The following NEK4 variants were observed in gnomAD, a reference collection of about 807,000 sequenced individuals.
NEK4 encodes the protein serine/threonine-protein kinase Nek4.
In NEK4, 86 loss-of-function variants were observed where a neutral mutation model predicts 98.4. The ratio of observed to expected loss-of-function variants is 0.87; its 90% CI spans 0.73 to 1.05. NEK4 has a LOEUF of 1.05. NEK4 is among the 50% of genes least tolerant of loss of function. NEK4 has a pLI of 0.00. For synonymous variants in NEK4, 328 were observed against 342.2 expected (o/e 0.96, Z 0.46); for missense variants, 898 against 950.3 (o/e 0.94, Z 0.72).
chr3:52,744,031 C>T (rs1407838770), intron 11 of NEK4, among the ~76,000 whole-genome samples: 1 of 152,156 alleles, frequency 6.6e-6, no homozygotes, highest in African/African-American at 2.4e-5. Flanking sequence ...TTAATATCCC[C>T]CTCCTCTGAT....
At chr3:52,752,954 A>ACACACACACAC (rs1315107149) in intron 6 of NEK4, among the ~76,000 whole-genome samples, 7 of 137,284 alleles carry the variant, frequency 5.1e-5, no homozygotes, top group Non-Finnish European at 9.3e-5. Flanking sequence ...ACACACACAC[A>ACACACACACAC]ATGGAATATT....
At chr3:52,749,432 C>T (rs764960310) in intron 8 of NEK4, among the ~76,000 whole-genome samples, 69 of 151,456 alleles carry the variant, frequency 4.6e-4, no homozygotes, top group African/African-American at 1.5e-3. Context: ...CATTCCTGGA[C>T]GGGAGACAAT....
At chr3:52,754,218 C>A (rs1011987206) in intron 6 of NEK4, 1 of 307,200 alleles carries the variant, frequency 3.3e-6, no homozygotes, top group Non-Finnish European at 6.4e-6. Context: ...TAATTACTAT[C>A]CAGATGGTGA....
At chr3:52,726,255 C>A (rs2097364437) in intron 15 of NEK4, among the ~76,000 whole-genome samples, 1 of 151,868 alleles carries the variant, frequency 6.6e-6, no homozygotes, top group Non-Finnish European at 1.5e-5. Context: ...ACTTCAATAC[C>A]CCACTCTCAA....
chr3:52,729,032 CAT>C (rs2097367157), intron 15 of NEK4, among the ~76,000 whole-genome samples: 1 of 152,212 alleles, frequency 6.6e-6, no homozygotes, highest in Admixed American at 6.5e-5. Flanking sequence ...CACAGCTGAA[CAT>C]AGACCCTTAT....
chr3:52,746,652 C>T (rs1249511759), intron 9 of NEK4, 82 bp downstream of exon 9: 1 of 1,238,476 alleles, frequency 8.1e-7, no homozygotes, highest in African/African-American at 1.5e-5. Flanking sequence ...TTCTTACATG[C>T]CTTTTTGGCA....
Position 52,738,490 on chromosome 3 carries a change from G to A in NEK4, c.2300-771C>T, listed in dbSNP as rs541761342. ...TTTTGAGACAGGATCTTGCTCTGTC[G>A]CTCAGGCTGGAGTGCAGTGGCATGC... On this transcript the variant is annotated intron_variant, in intron 14 of 15. Transcript: ENST00000233027. Among the ~76,000 whole-genome samples, 8 of 148,356 alleles carry A rather than the reference G, an allele frequency of 5.4e-5. No individual in the cohort carries two copies. In the East Asian group the frequency reaches 1.2e-3, roughly 22 times the overall value.
chr3:52,733,227 G>T (rs967411897), intron 15 of NEK4: 7 of 240,846 alleles, frequency 2.9e-5, no homozygotes, highest in Non-Finnish European at 6.1e-5. Flanking sequence ...GTCTTTAGTT[G>T]CAATCCACAC....
intron 6 of NEK4, chr3:52,753,966 C>T: frequency 3.7e-6 from 1 of 271,910 alleles, no homozygotes. Flanking sequence ...AGTTCGAGAC[C>T]AGCCTGGCTA....
chr3:52,723,699 G>C (rs2097362095), intron 15 of NEK4, among the ~76,000 whole-genome samples: 1 of 152,118 alleles, frequency 6.6e-6, no homozygotes, highest in South Asian at 2.1e-4. Flanking sequence ...AGTGAACAGA[G>C]CTTAAAGGAC....
At chr3:52,729,709 CAA>C (rs1309141148) in intron 15 of NEK4, among the ~76,000 whole-genome samples, 8 of 36,570 alleles carry the variant, frequency 2.2e-4, no homozygotes, top group Admixed American at 5.8e-4. Context: ...CTCTGTGTCT[CAA>C]AAAAAAAAAA....
At chr3:52,741,616 G>C in intron 12 of NEK4, 117 bp from the exon 13 acceptor site, 1 of 584,928 alleles carries the variant, frequency 1.7e-6, no homozygotes, top group Non-Finnish European at 3.0e-6. Flanking sequence ...CAATATAACA[G>C]GAGAATCTAA....
At chr3:52,758,196 A>G (rs1465059036) in intron 6 of NEK4, among the ~76,000 whole-genome samples, 1 of 151,022 alleles carries the variant, frequency 6.6e-6, no homozygotes, top group Non-Finnish European at 1.5e-5. Flanking sequence ...AAAAAAAAAA[A>G]AAAAAAAGAA....
In NEK4 at chr3:52,768,505, T is replaced by C. The variant is rs1698660430; in HGVS notation, c.193A>G (p.Ile65Val). The C allele has an allele frequency of 1.9e-6, 3 of 1,614,204 alleles. No individual in the cohort carries two copies. Among genetic ancestry groups the C allele is most frequent in the South Asian group, 1.1e-5 (1 of 91,088 alleles). The part of the protein sequence containing the change: ...QLLSQLKHPN[I>V]VTYKESWEGG... ...TCCCATGACTCCTTGTAGGTGACAA[T>C]GTTGGGATGCTTCAACTGAGACAAG... Residue 65 changes from isoleucine (I) to valine (V), a missense_variant, in exon 2 of 16, where the codon ATT becomes GTT. Coordinates refer to ENST00000233027, the MANE Select transcript of NEK4 (RefSeq NM_003157.6).
intron 6 of NEK4, among the ~76,000 whole-genome samples, chr3:52,760,137 T>C (rs192394626): frequency 4.6e-5 from 7 of 152,364 alleles, no homozygotes; most frequent in East Asian, 3.9e-4. Flanking sequence ...TGGAACTACA[T>C]AGAAGTGACG....
intron 15 of NEK4, among the ~76,000 whole-genome samples, chr3:52,728,535 CATG>C (rs1439219890): frequency 6.6e-6 from 1 of 152,172 alleles, no homozygotes; most frequent in Non-Finnish European, 1.5e-5. Flanking sequence ...TCAGGACTAC[CATG>C]ATAATTGTGT....
At position 52,770,595 on chromosome 3, in the gene NEK4, G is replaced by C; in HGVS notation, c.93+59C>G. 3.7e-6 allele frequency: 5 copies of C among 1,347,028 alleles called. No homozygotes were observed. In the South Asian group the frequency reaches 5.1e-5, roughly 14 times the overall value. The allele number at this position is 1,347,028 out of a possible 1,614,324, so 83.4% of individuals were successfully genotyped here. A position where few individuals can be genotyped will look rare whatever the true frequency, so the allele number is the denominator to read the frequency against. On this transcript the variant is annotated intron_variant, in intron 1 of 15. Transcript: ENST00000233027. ...CCACCCCCGACCTAATCTACCGGTC[G>C]GCGCCCTCGGCGCACTTCTGCCCGC...
At chr3:52,716,387 G>A (rs1033698536) in intron 15 of NEK4, among the ~76,000 whole-genome samples, 1 of 152,232 alleles carries the variant, frequency 6.6e-6, no homozygotes, top group Middle Eastern at 3.2e-3. Flanking sequence ...AAATTGAGCT[G>A]TCAAGAAATC....
intron 10 of NEK4, 29 bp downstream of exon 10, chr3:52,746,032 T>C (rs764774983): frequency 6.2e-7 from 1 of 1,607,710 alleles, no homozygotes; most frequent in Non-Finnish European, 8.5e-7. Context: ...TATAAGGTTT[T>C]TAAAAATCCA....
Sources: allele counts gnomAD v4.1 joint callset (sites outside exome capture counted in the v4.1 genomes callset), GRCh38; gene constraint gnomAD v4.1.1; transcripts MANE v1.5; gene names NCBI Gene and HGNC (gene_info 2026-07-23, HGNC 2026-07-21).